The following DMXL1 variants were observed in gnomAD, a reference collection of about 807,000 sequenced individuals.
DMXL1 encodes dmX-like protein 1.
Under a neutral mutation model 319.2 loss-of-function variants are expected in DMXL1, and 99 were observed. The ratio of observed to expected loss-of-function variants is 0.31; its 90% confidence interval spans 0.26 to 0.37. The LOEUF (loss-of-function observed/expected upper bound fraction) is 0.37, where lower values mean the gene tolerates loss of function less well. Among genes scored for constraint, DMXL1 ranks in the 10% least tolerant of loss-of-function variants. DMXL1 has a pLI of 1.00. For missense variants in DMXL1, 3,745 were observed against 3,595.6 expected (o/e 1.04, Z -1.06); for synonymous variants, 1,385 against 1,235.2 (o/e 1.12, Z -2.54).
In DMXL1 at chr5:119,165,300, AAAAAG is replaced by A; in HGVS notation, c.4970+21_4970+25del. On this transcript the variant is annotated intron_variant, in intron 21 of 43. Coordinates refer to ENST00000539542, the MANE Select transcript of DMXL1 (RefSeq NM_001290321.3). ...ATATAGGTAGGTAAAAAAAAAAAAA[AAAAAG>A]GGTGCTTCAATGTGAAAACCTGTTC... 4.4e-6 allele frequency: 6 copies of A among 1,358,406 alleles called. No homozygotes were observed. The highest frequency in any genetic ancestry group is 2.3e-5 in the East Asian group (1 of 43,262). 84.1% of individuals were successfully genotyped at this position (1,358,406 alleles called of 1,614,324 possible).
At chr5:119,151,866 T>C (rs1581037883) in intron 18 of DMXL1, 63 bp from the exon 19 acceptor site, 2 of 996,900 alleles carry the variant, frequency 2.0e-6, no homozygotes, top group East Asian at 2.4e-5. Flanking sequence ...TATGCCTATA[T>C]TGGGTGTTCT....
intron 13 of DMXL1, among the ~76,000 whole-genome samples, chr5:119,143,138 A>G (rs1025883088): frequency 2.0e-5 from 3 of 151,972 alleles, no homozygotes; most frequent in African/African-American, 7.2e-5. Context: ...TGGGCTTAGT[A>G]CCTGGATGAT....
At chr5:119,071,715 C>A in intron 1 of DMXL1, 59 bp downstream of exon 1, 1 of 1,483,646 alleles carries the variant, frequency 6.7e-7, no homozygotes, top group Non-Finnish European at 9.1e-7. Flanking sequence ...CATTCTGGGC[C>A]GAGCTTGGCC....
intron 1 of DMXL1, 145 bp from the exon 2 acceptor site, chr5:119,097,834 A>T: frequency 1.4e-6 from 1 of 736,826 alleles, no homozygotes. Context: ...TGCCAAATGT[A>T]GATTTTTTTT....
intron 37 of DMXL1, among the ~76,000 whole-genome samples, chr5:119,222,394 A>AT (rs1784797302): frequency 1.3e-5 from 2 of 152,304 alleles, no homozygotes; most frequent in South Asian, 4.1e-4. Context: ...TTCAAATGAA[A>AT]TGACTTGCTC....
chr5:119,187,327 A>G (rs1428989721), intron 28 of DMXL1, among the ~76,000 whole-genome samples: 1 of 152,192 alleles, frequency 6.6e-6, no homozygotes, highest in African/African-American at 2.4e-5. Context: ...GTTAGTTTGC[A>G]CCCAAGGAAT....
intron 9 of DMXL1, among the ~76,000 whole-genome samples, chr5:119,122,980 G>A (rs1398292397): frequency 6.6e-6 from 1 of 152,132 alleles, no homozygotes; most frequent in Non-Finnish European, 1.5e-5. Flanking sequence ...TGTAGCGAGC[G>A]GAGATCACGC....
chr5:119,096,317 C>T (rs1328231515), intron 1 of DMXL1, among the ~76,000 whole-genome samples: 1 of 151,912 alleles, frequency 6.6e-6, no homozygotes. Context: ...GCTGAGATTA[C>T]AGGCATGCAC....
intron 39 of DMXL1, among the ~76,000 whole-genome samples, chr5:119,235,315 C>T (rs1787546046): frequency 6.6e-6 from 1 of 152,022 alleles, no homozygotes; most frequent in African/African-American, 2.4e-5. Flanking sequence ...ACAACAAGAA[C>T]ATGCTAGCAT....
chr5:119,107,963 C>T (rs913909959), intron 4 of DMXL1, among the ~76,000 whole-genome samples: 1 of 152,114 alleles, frequency 6.6e-6, no homozygotes, highest in Non-Finnish European at 1.5e-5. Flanking sequence ...TCAGAAATTA[C>T]CCAACTAGAT....
At chr5:119,193,523 C>G (rs1779069188) in intron 29 of DMXL1, among the ~76,000 whole-genome samples, 1 of 151,982 alleles carries the variant, frequency 6.6e-6, no homozygotes, top group Admixed American at 6.6e-5. Flanking sequence ...CTGTTATTTG[C>G]CTATTTTTTT....
At chr5:119,185,005 C>T (rs1470457091) in intron 28 of DMXL1, among the ~76,000 whole-genome samples, 1 of 152,126 alleles carries the variant, frequency 6.6e-6, no homozygotes, top group African/African-American at 2.4e-5. Context: ...ACATGCTTGA[C>T]CAAATTCTCA....
chr5:119,132,393 T>C (rs946387151), intron 10 of DMXL1, among the ~76,000 whole-genome samples: 3 of 152,096 alleles, frequency 2.0e-5, no homozygotes, highest in Non-Finnish European at 2.9e-5. Context: ...GAAAGTTACA[T>C]AACTTGGCCG....
intron 2 of DMXL1, among the ~76,000 whole-genome samples, chr5:119,099,472 G>A (rs1260584990): frequency 2.0e-5 from 3 of 152,122 alleles, no homozygotes; most frequent in South Asian, 2.1e-4. Flanking sequence ...GCCTCCCAAA[G>A]TGCTGGGATT....
At chr5:119,099,088 G>A (rs1185538362) in intron 2 of DMXL1, among the ~76,000 whole-genome samples, 1 of 151,698 alleles carries the variant, frequency 6.6e-6, no homozygotes, top group African/African-American at 2.4e-5. Flanking sequence ...ATAGTTACAG[G>A]TGTCCTCTAT....
chr5:119,173,560 C>T (rs966586290), intron 25 of DMXL1, among the ~76,000 whole-genome samples: 14 of 150,746 alleles, frequency 9.3e-5, no homozygotes, highest in Middle Eastern at 3.4e-3. Flanking sequence ...TGGTGGTTGG[C>T]GCATGTTGAC....
chr5:119,077,172 T>C (rs976428201), intron 1 of DMXL1, among the ~76,000 whole-genome samples: 12 of 144,096 alleles, frequency 8.3e-5, no homozygotes. Context: ...TATTTTATTT[T>C]TTTGAGGCAG....
chr5:119,186,968 T>G (rs1345073446), intron 28 of DMXL1, among the ~76,000 whole-genome samples: 1 of 152,024 alleles, frequency 6.6e-6, no homozygotes, highest in African/African-American at 2.4e-5. Flanking sequence ...GAGATATATC[T>G]AATGTAAATG....
rs1765332256 is a variant in DMXL1, at chr5:119,133,305, C to T, written c.1489C>T (p.His497Tyr). Residue 497 changes from histidine to tyrosine, a missense_variant, in exon 11 of 44, where the codon CAT becomes TAT. This residue lies in a region of DMXL1 where 2,096 missense variants were observed against 1,985.4 expected (regional missense o/e 1.06). Coordinates refer to ENST00000539542, the MANE Select transcript of DMXL1 (RefSeq NM_001290321.3). The stretch of plus-strand genomic sequence containing the variant: ...AAATGCAGATATGCTATTTAGTATT[C>T]ATCCCATGGATGGTTCTTTGCTAGT... ...SKNADMLFSI[H>Y]PMDGSLLVWH... 1.9e-6 allele frequency: 3 copies of T among 1,614,088 alleles called. No homozygotes were observed. The highest frequency in any genetic ancestry group is 2.5e-6 in the Non-Finnish European group (3 of 1,180,026).
Sources: gnomAD v4.1 joint callset for allele counts (sites outside exome capture counted in the v4.1 genomes callset) on GRCh38, gnomAD v4.1.1 for gene constraint, gnomAD v4.1.1 regional missense constraint, MANE v1.5 for transcripts, NCBI Gene and HGNC (gene_info 2026-07-23, HGNC 2026-07-21) for gene names.